TAP2: variants seen among roughly 807,000 people sequenced by gnomAD.
The protein encoded by TAP2 is transporter 2, ATP binding cassette subfamily B member.
In TAP2, 49 loss-of-function variants were observed where a neutral mutation model predicts 74.7. That is an observed-to-expected ratio of 0.66 (90% confidence interval 0.52 to 0.83). The LOEUF is 0.83. TAP2 is among the 40% of genes least tolerant of loss of function. TAP2 has a pLI of 0.00. For missense variants in TAP2, 739 were observed against 859.0 expected (o/e 0.86, Z 1.75); for synonymous variants, 306 against 368.4 (o/e 0.83, Z 1.94).
chr6:32,835,917 G>T lies in TAP2; in HGVS notation c.609-144C>A. On this transcript the variant is annotated intron_variant, in intron 3 of 11. Transcript: ENST00000374897. This position sits in a 1 kb window ranked among gnomAD's most constrained non-coding sequence, Gnocchi z 4.0. ...AGGGGCAAAAGAGAAAGAAATGAGA[G>T]ACAGACACACAGAGAGAGAAGAGGT... The T allele has an allele frequency of 1.0e-6, 1 of 976,336 alleles. No homozygotes were observed. The highest frequency in any genetic ancestry group is 1.6e-6 in the Non-Finnish European group (1 of 638,600). 60.5% of individuals were successfully genotyped at this position (976,336 alleles called of 1,614,324 possible).
At position 32,832,703 on chromosome 6, in the gene TAP2, T is replaced by C; in HGVS notation, c.1067A>G (p.Lys356Arg). ...CTGCCGACATTGTTCAAGGGCCTCT[T>C]TATAGCGACAGACTTCATGCTCCTC... ...GAEEHEVCRY[K>R]EALEQCRQLY... The change falls in exon 6 of 12, where the codon AAA becomes AGA. Residue 356 changes from lysine to arginine, a missense_variant. Physicochemically the swap from Lys to Arg is conservative, Grantham distance 26. Transcript: ENST00000374897. This position sits in a 1 kb window ranked among gnomAD's most constrained non-coding sequence, Gnocchi z 5.9. 6.2e-7 allele frequency: 1 copy of C among 1,613,108 alleles called. No individual in the cohort carries two copies. The highest frequency in any genetic ancestry group is 1.1e-5 in the South Asian group (1 of 91,082).
Position 32,829,015 on chromosome 6 carries a change from CG to C in TAP2, c.1951del (p.Arg651ValfsTer8). ...AATCACCAGCACTGTGCGATCCCCA[CG>C]GGAATTCCAGTCCTGCAGCTGAAGG... ...CEQALQDWNS[R>X]GDRTVLVIAH... On this transcript the variant is annotated frameshift_variant, in exon 12 of 12. Coordinates refer to ENST00000374897, the MANE Select transcript of TAP2 (RefSeq NM_001290043.2). LOFTEE classifies it high-confidence loss of function. 6.5e-7 allele frequency: 1 copy of C among 1,550,354 alleles called. No individual in the cohort carries two copies. The highest frequency in any genetic ancestry group is 8.7e-7 in the Non-Finnish European group (1 of 1,146,986).
downstream of TAP2, among the ~76,000 whole-genome samples, chr6:32,823,711 TAG>T (rs1768457652): frequency 1.3e-5 from 2 of 152,274 alleles, no homozygotes; most frequent in South Asian, 4.1e-4. Context: ...ATACAGCAAA[TAG>T]ATTCAGTCTA....
intron 5 of TAP2, among the ~76,000 whole-genome samples, chr6:32,833,361 C>T (rs1769215873): frequency 6.6e-6 from 1 of 152,004 alleles, no homozygotes; most frequent in African/African-American, 2.4e-5. Flanking sequence ...AGTGAAAAAG[C>T]AACCATGAAA....
downstream of TAP2, among the ~76,000 whole-genome samples, chr6:32,823,754 A>G (rs1280044180): frequency 2.0e-5 from 3 of 150,906 alleles, no homozygotes; most frequent in Non-Finnish European, 2.9e-5. Context: ...GTTAAGTATA[A>G]TGTTTACATG....
chr6:32,824,262 C>T (rs1206185979), downstream of TAP2, among the ~76,000 whole-genome samples: 1 of 152,108 alleles, frequency 6.6e-6, no homozygotes, highest in Non-Finnish European at 1.5e-5. Context: ...ACTTCATTAT[C>T]ACTATGTAAT....
In TAP2 at chr6:32,828,675, G is replaced by GCCTCCA; in HGVS notation, c.*230_*231insTGGAGG. 10 of 884,174 alleles carry GCCTCCA rather than the reference G, an allele frequency of 1.1e-5. No individual in the cohort carries two copies. Among genetic ancestry groups the GCCTCCA allele is most frequent in the Non-Finnish European group, 1.2e-5 (9 of 735,142 alleles). The allele number at this position is 884,174 out of a possible 1,614,324, so 54.8% of individuals were successfully genotyped here. ...GAATTAAGTTTCCTGGACACAGACA[G>GCCTCCA]CCCCCACCCCACCCCACCCCACCTC... On this transcript the variant is annotated 3_prime_UTR_variant, in exon 12 of 12. Transcript: ENST00000374897.
chr6:32,830,582 G>GAGC, intron 8 of TAP2, 36 bp downstream of exon 8: 1 of 1,612,500 alleles, frequency 6.2e-7, no homozygotes, highest in East Asian at 2.2e-5. Flanking sequence ...TAGCAGCAGA[G>GAGC]AGCAAGGGTC....
chr6:32,830,820 A>G lies in TAP2; in HGVS notation c.1273-14T>C. 6.2e-7 allele frequency: 1 copy of G among 1,602,852 alleles called. No homozygotes were observed. The highest frequency in any genetic ancestry group is 8.5e-7 in the Non-Finnish European group (1 of 1,174,846). On this transcript the variant is annotated splice_polypyrimidine_tract_variant and intron_variant, in intron 7 of 11. Transcript: ENST00000374897. ...GTATACCAGGGTCTGGAAAACAGGA[A>G]TGGGAGAGCCGGCTAATTAAACACA...
chr6:32,838,371 T>A, intron 1 of TAP2, 134 bp from the exon 2 acceptor site: 3 of 1,277,048 alleles, frequency 2.3e-6, no homozygotes, highest in Non-Finnish European at 3.1e-6. Flanking sequence ...AGAGCTCTCC[T>A]GAGTAACCGG....
chr6:32,831,322 G>A (rs559232192), intron 7 of TAP2, among the ~76,000 whole-genome samples: 3 of 152,292 alleles, frequency 2.0e-5, no homozygotes, highest in South Asian at 2.1e-4. Context: ...CTGTACCACC[G>A]GGTAATGAAA....
At position 32,830,434 on chromosome 6, in the gene TAP2, T is replaced by C; in HGVS notation, c.1468A>G (p.Thr490Ala). 2 of 1,612,700 alleles carry C rather than the reference T, an allele frequency of 1.2e-6. No individual in the cohort carries two copies. Among genetic ancestry groups the C allele is most frequent in the Non-Finnish European group, 1.7e-6 (2 of 1,179,828 alleles). Residue 490 changes from threonine to alanine, a missense_variant, in exon 9 of 12, where the codon ACG (threonine) becomes GCG (alanine). By Grantham distance (58) the Thr-to-Ala change is moderately conservative. Transcript: ENST00000374897. ...ACCTCACCAGGACGTAGGGTAAACG[T>C]CAGCCCCTAGAAAACCAGAAAAAGA... ...RPDRPVLKGL[T>A]FTLRPGEVTA...
rs1768597128 is a variant in TAP2 at position 32,825,633 on chromosome 6, T to C, written c.*3273A>G. 1 of 152,236 alleles carries C rather than the reference T, an allele frequency of 6.6e-6. No homozygotes were observed. Among genetic ancestry groups the C allele is most frequent in the African/African-American group, 2.4e-5 (1 of 41,472 alleles). The allele number at this position is 152,236 out of a possible 1,614,324, so 9.4% of individuals were successfully genotyped here. ...CCTTGAGAAGGATTGAGAGTGAGGCTTTCCTCTGTATACTTCTTTGTGTCT... is the reference window on the plus strand; with the variant it reads ...CCTTGAGAAGGATTGAGAGTGAGGCCTTCCTCTGTATACTTCTTTGTGTCT... On this transcript the variant is annotated 3_prime_UTR_variant, in exon 12 of 12. Transcript: ENST00000374897.
At chr6:32,824,465 T>C (rs1029745227), downstream of TAP2, among the ~76,000 whole-genome samples, 12 of 152,174 alleles carry the variant, frequency 7.9e-5, no homozygotes, top group Admixed American at 2.0e-4. Context: ...TTTTGCGATA[T>C]TGTTAATCTA....
chr6:32,833,968 A>AC (rs200565466), intron 5 of TAP2, among the ~76,000 whole-genome samples: 3 of 99,554 alleles, frequency 3.0e-5, no homozygotes, highest in Admixed American at 9.7e-5. Context: ...TTCCGCCATG[A>AC]TTTGAGGTCT....
chr6:32,833,056 T>C (rs1482121799), intron 5 of TAP2, among the ~76,000 whole-genome samples: 15 of 152,214 alleles, frequency 9.9e-5, no homozygotes, highest in Non-Finnish European at 1.5e-5. Context: ...TTTTTTAACC[T>C]TCATTTGAGG....
chr6:32,833,817 A>G (rs1769244146), intron 5 of TAP2, among the ~76,000 whole-genome samples: 1 of 152,154 alleles, frequency 6.6e-6, no homozygotes, highest in South Asian at 2.1e-4. Context: ...GAGGTAATTG[A>G]ATCATGAGGG....
At position 32,830,095 on chromosome 6, in the gene TAP2, C is replaced by G; in HGVS notation, c.1636-6G>C. 1 of 1,612,988 alleles carries G rather than the reference C, an allele frequency of 6.2e-7. No individual in the cohort carries two copies. The highest frequency in any genetic ancestry group is 1.1e-5 in the South Asian group (1 of 91,086). On this transcript the variant is annotated splice_polypyrimidine_tract_variant and splice_region_variant and intron_variant, in intron 9 of 11. Transcript: ENST00000374897. ...TCCTGCCCAACTGAAACCACCTGTG[C>G]AGCAGGGACAGGGGCAGAGGACTAT... is the stretch of plus-strand genomic sequence containing the variant.
In TAP2 at chr6:32,828,090, T is replaced by C; in HGVS notation, c.*816A>G. On this transcript the variant is annotated 3_prime_UTR_variant, in exon 12 of 12. Transcript: ENST00000374897. ...GTCAGGCCTGTGTTCAAACTCCAACTCCACCACTACGACCACCTTGGGAAA... is the reference window on the plus strand; with the variant it reads ...GTCAGGCCTGTGTTCAAACTCCAACCCCACCACTACGACCACCTTGGGAAA... 1.2e-6 allele frequency: 1 copy of C among 853,760 alleles called. No individual in the cohort carries two copies. Among genetic ancestry groups the C allele is most frequent in the South Asian group, 5.6e-5 (1 of 18,004 alleles). The allele number at this position is 853,760 out of a possible 1,614,324, so 52.9% of individuals were successfully genotyped here.
Sources: gnomAD v4.1 joint callset for allele counts (sites outside exome capture counted in the v4.1 genomes callset) on GRCh38, gnomAD v4.1.1 for gene constraint, Gnocchi (gnomAD v3.1) non-coding constraint, MANE v1.5 for transcripts, NCBI Gene and HGNC (gene_info 2026-07-23, HGNC 2026-07-21) for gene names.